The following WDR7 variants were observed in gnomAD, a reference collection of about 807,000 sequenced individuals.
WDR7 encodes the protein WD repeat domain 7, also known as WD repeat-containing protein 7.
In WDR7, 46 loss-of-function variants were observed where a neutral mutation model predicts 169.4. The ratio of observed to expected loss-of-function variants is 0.27; its 90% confidence interval spans 0.21 to 0.35. The LOEUF (loss-of-function observed/expected upper bound fraction) is 0.35, where lower values mean the gene tolerates loss of function less well. Ranked by LOEUF, WDR7 falls within the 10% of genes least tolerant of loss-of-function variation. The pLI is 1.00. For missense variants in WDR7, 1,534 were observed against 1,859.3 expected, an observed-to-expected ratio of 0.83 and a Z score of 3.22; for synonymous variants, 612 against 666.8, an observed-to-expected ratio of 0.92 and a Z score of 1.27.
At chr18:56,899,914 G>A (rs182057253) in intron 21 of WDR7, among the ~76,000 whole-genome samples, 94 of 151,906 alleles carry the variant, frequency 6.2e-4, no homozygotes, top group African/African-American at 2.1e-3. Flanking sequence ...AATTCAATAT[G>A]TGCTTTAAAG....
chr18:56,829,244 G>A (rs2145272725), intron 20 of WDR7, among the ~76,000 whole-genome samples: 1 of 149,636 alleles, frequency 6.7e-6, no homozygotes, highest in African/African-American at 2.5e-5. Flanking sequence ...GGTGACAGAG[G>A]GAGGCCTTCT....
intron 19 of WDR7, among the ~76,000 whole-genome samples, chr18:56,805,646 C>T (rs2044760820): frequency 6.6e-6 from 1 of 151,232 alleles, no homozygotes; most frequent in Admixed American, 6.6e-5. Flanking sequence ...AAAGAGAAAT[C>T]ATAGGATTTT....
intron 13 of WDR7, among the ~76,000 whole-genome samples, chr18:56,727,458 G>A (rs192153851): frequency 1.2e-3 from 183 of 152,132 alleles, no homozygotes; most frequent in African/African-American, 4.1e-3. Context: ...TCACAGTTCC[G>A]CATGGTTGGG....
intron 26 of WDR7, among the ~76,000 whole-genome samples, chr18:56,994,042 C>T (rs1330133459): frequency 1.5e-5 from 2 of 136,574 alleles, no homozygotes; most frequent in African/African-American, 5.6e-5. Flanking sequence ...CTTCTTGAGA[C>T]AGGGTCTCAC....
rs41345447 is a variant in WDR7, at chr18:56,794,952, C to T, written c.3190+13296C>T. Among the ~76,000 whole-genome samples, 594 of 152,156 alleles carry T rather than the reference C, an allele frequency of 3.9e-3. 6 individuals carry two copies. Among genetic ancestry groups the T allele is most frequent in the African/African-American group, 0.014 (581 of 41,534 alleles). ...CTTTCTTTTCATTAGAGTAGCAGATCCCAGTATTATAAATTCTAACATTCC... is the reference window on the plus strand; with the variant it reads ...CTTTCTTTTCATTAGAGTAGCAGATTCCAGTATTATAAATTCTAACATTCC... On this transcript the variant is annotated intron_variant, in intron 19 of 27. Coordinates refer to ENST00000254442, the MANE Select transcript of WDR7 (RefSeq NM_015285.3).
chr18:57,027,233 G>T lies in WDR7; in HGVS notation c.*26G>T. The T allele has an allele frequency of 5.7e-6, 9 of 1,586,044 alleles. No individual in the cohort carries two copies. In the Admixed American group the frequency reaches 7.2e-5, roughly 13 times the overall value. On this transcript the variant is annotated 3_prime_UTR_variant, in exon 28 of 28. Transcript: ENST00000254442. The stretch of plus-strand genomic sequence containing the variant: ...TGCTGCTGCCTGCCGCCGTGACTGC[G>T]TTTTAGTTCTCTAAATTATCCAAGC...
chr18:56,841,740 G>T (rs1456204554), intron 20 of WDR7, among the ~76,000 whole-genome samples: 1 of 152,122 alleles, frequency 6.6e-6, no homozygotes, highest in Non-Finnish European at 1.5e-5. Context: ...GAGGTACACA[G>T]CTGATTGGAT....
intron 25 of WDR7, among the ~76,000 whole-genome samples, chr18:56,952,831 A>G (rs957531785): frequency 4.6e-5 from 7 of 152,238 alleles, no homozygotes; most frequent in African/African-American, 1.2e-4. Context: ...ACTAAATGCA[A>G]GAAATCAATC....
intron 21 of WDR7, among the ~76,000 whole-genome samples, chr18:56,921,044 A>T (rs2046710675): frequency 1.3e-5 from 2 of 152,252 alleles, no homozygotes; most frequent in Non-Finnish European, 2.9e-5. Context: ...AGAATAGATG[A>T]TTAAGAAGTT....
At chr18:56,932,874 G>GGGGTGTGTGT (rs894486761) in intron 22 of WDR7, among the ~76,000 whole-genome samples, 5 of 131,922 alleles carry the variant, frequency 3.8e-5, no homozygotes, top group African/African-American at 1.5e-4. Context: ...CTTCATTCTG[G>GGGGTGTGTGT]GTGTGTGTGT....
At chr18:56,931,081 T>C (rs2046877550) in intron 22 of WDR7, among the ~76,000 whole-genome samples, 1 of 152,190 alleles carries the variant, frequency 6.6e-6, no homozygotes, top group African/African-American at 2.4e-5. Flanking sequence ...ATATTGGGTG[T>C]GTACACTGAA....
intron 12 of WDR7, among the ~76,000 whole-genome samples, chr18:56,709,795 G>A (rs977390368): frequency 6.6e-6 from 1 of 151,988 alleles, no homozygotes; most frequent in Non-Finnish European, 1.5e-5. Flanking sequence ...GATTATTCAA[G>A]TTTGGAGTTT....
rs79327423 is a variant in WDR7 at position 56,714,890 on chromosome 18, T to A, written c.1579-3074T>A. On this transcript the variant is annotated intron_variant, in intron 12 of 27. Transcript: ENST00000254442. Reference sequence around the variant, plus strand: ...ATCTTGGTGTTAAAGCTCTTTTTTTTAACCTTCAGAAAATTACATCTCATA... The same window carrying A: ...ATCTTGGTGTTAAAGCTCTTTTTTTAAACCTTCAGAAAATTACATCTCATA... Among the ~76,000 whole-genome samples, 1,006 of 152,162 alleles carry A rather than the reference T, an allele frequency of 6.6e-3. 4 individuals carry two copies. The highest frequency in any genetic ancestry group is 0.034 in the Middle Eastern group (10 of 294).
rs544779672 is a variant in WDR7 at position 56,846,849 on chromosome 18, TG to T, written c.3304+30706del. On this transcript the variant is annotated intron_variant, in intron 20 of 27. Coordinates refer to ENST00000254442, the MANE Select transcript of WDR7 (RefSeq NM_015285.3). The stretch of plus-strand genomic sequence containing the variant: ...ATTTCCTATACAGCCTGCAGAGCCA[TG>T]AGCCAAATTAAGCTTCTTTTCTTTA... Among the ~76,000 whole-genome samples, 858 of 152,344 alleles carry T rather than the reference TG, an allele frequency of 5.6e-3. 1 individual carries two copies. The highest frequency in any genetic ancestry group is 7.2e-3 in the Non-Finnish European group (487 of 68,028).
intron 26 of WDR7, among the ~76,000 whole-genome samples, chr18:56,994,346 A>G (rs945171344): frequency 6.7e-6 from 1 of 150,306 alleles, no homozygotes; most frequent in Non-Finnish European, 1.5e-5. Context: ...TTAAAGGGGC[A>G]TTTTCATTGT....
intron 12 of WDR7, among the ~76,000 whole-genome samples, chr18:56,706,226 T>C (rs1051336543): frequency 7.2e-5 from 11 of 152,226 alleles, no homozygotes; most frequent in African/African-American, 2.7e-4. Flanking sequence ...TGATAACATC[T>C]TAGAAAAAAA....
chr18:56,880,475 T>C (rs1374464464), intron 21 of WDR7, among the ~76,000 whole-genome samples: 1 of 152,216 alleles, frequency 6.6e-6, no homozygotes, highest in Admixed American at 6.5e-5. Flanking sequence ...GCTTTTAAAA[T>C]AATTTCTGGA....
intron 3 of WDR7, 101 bp from the exon 4 acceptor site, chr18:56,681,212 T>G: frequency 1.2e-6 from 1 of 862,178 alleles, no homozygotes; most frequent in Non-Finnish European, 1.8e-6. Context: ...TTTTCTGAAA[T>G]ATATTAGTTT....
intron 22 of WDR7, among the ~76,000 whole-genome samples, chr18:56,931,169 AC>A (rs1479787735): frequency 1.3e-5 from 2 of 152,088 alleles, no homozygotes; most frequent in African/African-American, 4.8e-5. Context: ...CATCCTGTAA[AC>A]CTGTGTAACG....
Sources: gnomAD v4.1 joint callset for allele counts (sites outside exome capture counted in the v4.1 genomes callset) on GRCh38, gnomAD v4.1.1 for gene constraint, MANE v1.5 for transcripts, NCBI Gene and HGNC (gene_info 2026-07-23, HGNC 2026-07-21) for gene names.